TMIGD3: variants seen among roughly 807,000 people sequenced by gnomAD.
TMIGD3 encodes the protein AD026 protein (AD026).
Under a neutral mutation model 28.1 loss-of-function variants are expected in TMIGD3, and 21 were observed. The ratio of observed to expected loss-of-function variants is 0.75; its 90% confidence interval spans 0.53 to 1.08. The LOEUF (loss-of-function observed/expected upper bound fraction) is 1.08. Ranked by LOEUF, TMIGD3 falls within the 50% of genes least tolerant of loss-of-function variation. TMIGD3 has a pLI of 0.00. For synonymous variants in TMIGD3, 151 were observed against 162.1 expected (o/e 0.93, Z 0.52); for missense variants, 416 against 435.6 (o/e 0.96, Z 0.40).
intron 1 of TMIGD3, among the ~76,000 whole-genome samples, chr1:111,532,642 A>T (rs1251763329): frequency 1.3e-5 from 2 of 152,174 alleles, no homozygotes; most frequent in Non-Finnish European, 1.5e-5. Context: ...AGATTTTTAA[A>T]AAGAAAGAGC....
intron 1 of TMIGD3, among the ~76,000 whole-genome samples, chr1:111,547,027 C>T (rs2101030844): frequency 1.3e-5 from 2 of 152,236 alleles, no homozygotes; most frequent in Middle Eastern, 3.4e-3. Context: ...CTTTTTGATG[C>T]TGTTGTGCAT....
chr1:111,485,495 A>T, intron 5 of TMIGD3: 2 of 342,002 alleles, frequency 5.8e-6, no homozygotes, highest in Non-Finnish European at 1.1e-5. Context: ...TTGTCTCAGG[A>T]CCTCCTTCCT....
intron 2 of TMIGD3, chr1:111,489,500 G>T: frequency 1.1e-6 from 1 of 906,990 alleles, no homozygotes; most frequent in Non-Finnish European, 1.3e-6. Flanking sequence ...AATTTCCATT[G>T]TTTTAGCCTC....
rs66509119 is a variant in TMIGD3, at chr1:111,542,696, G to GT, written c.107+21149dup. 1.2e-4 allele frequency among the ~76,000 whole-genome samples: 18 copies of GT among 150,290 alleles called. No homozygotes were observed. In the East Asian group the frequency reaches 1.4e-3, roughly 11 times the overall value. ...AAAACTTGTCTTTGTTTTTGTTTTT[G>GT]TTTTTTTTTTCTTTTTTTGAGATGG... On this transcript the variant is annotated intron_variant, in intron 1 of 5. Coordinates refer to the TMIGD3 transcript ENST00000369717.
chr1:111,504,967 A>G (rs1008238311), upstream of TMIGD3: 34 of 985,104 alleles, frequency 3.5e-5, no homozygotes, highest in East Asian at 1.1e-4. Context: ...GTATTTTCCA[A>G]TGTCAGTTCT....
chr1:111,506,064 C>A (rs565973532), upstream of TMIGD3, among the ~76,000 whole-genome samples: 3 of 152,044 alleles, frequency 2.0e-5, no homozygotes, highest in African/African-American at 4.8e-5. Flanking sequence ...AAAACAAATA[C>A]TTTTCCTCCA....
intron 1 of TMIGD3, among the ~76,000 whole-genome samples, chr1:111,550,979 GTTC>G (rs1230014358): frequency 6.6e-6 from 1 of 151,278 alleles, no homozygotes; most frequent in Non-Finnish European, 1.5e-5. Flanking sequence ...ATTATAAAAT[GTTC>G]TTCTTTGTCT....
intron 1 of TMIGD3, among the ~76,000 whole-genome samples, chr1:111,515,820 C>T (rs12097665): frequency 0.035 from 5,266 of 152,310 alleles, 109 homozygotes; most frequent in Non-Finnish European, 0.044. Context: ...TGGTGCTGCG[C>T]CGGCCGGACG....
chr1:111,513,500 A>G (rs1332622371), intron 1 of TMIGD3, among the ~76,000 whole-genome samples: 1 of 152,250 alleles, frequency 6.6e-6, no homozygotes, highest in Non-Finnish European at 1.5e-5. Context: ...TAAATAAATA[A>G]AATTTATTCT....
At chr1:111,492,095 G>C (rs1654695562) in intron 1 of TMIGD3, among the ~76,000 whole-genome samples, 1 of 152,142 alleles carries the variant, frequency 6.6e-6, no homozygotes, top group South Asian at 2.1e-4. Context: ...CCAAGCTCTT[G>C]AGTAGGCTAC....
chr1:111,511,073 C>T (rs1294258163), intron 1 of TMIGD3, among the ~76,000 whole-genome samples: 2 of 152,190 alleles, frequency 1.3e-5, no homozygotes, highest in African/African-American at 2.4e-5. Flanking sequence ...TTGATGTGCA[C>T]CCCACCTATT....
At chr1:111,532,079 A>G (rs548826573) in intron 1 of TMIGD3, among the ~76,000 whole-genome samples, 1 of 85,582 alleles carries the variant, frequency 1.2e-5, no homozygotes, top group African/African-American at 3.2e-5. Context: ...GGGAGGAAAG[A>G]TTATAGCCCT....
intron 1 of TMIGD3, among the ~76,000 whole-genome samples, chr1:111,535,403 T>C (rs144522132): frequency 6.6e-6 from 1 of 152,210 alleles, no homozygotes; most frequent in Non-Finnish European, 1.5e-5. Context: ...TCAGGCACCA[T>C]CTGATTAGAT....
At chr1:111,512,957 C>T (rs1178119179) in intron 1 of TMIGD3, among the ~76,000 whole-genome samples, 5 of 152,188 alleles carry the variant, frequency 3.3e-5, no homozygotes, top group African/African-American at 1.2e-4. Context: ...GTACCATTTT[C>T]CTCTCTTTTC....
chr1:111,503,313 G>C lies in TMIGD3; in HGVS notation c.42C>G (p.Thr14=), dbSNP rs1231114737. The part of the protein sequence containing the change: ...NSTALSLANV[T]YITMEIFIGL... The stretch of plus-strand genomic sequence containing the variant: ...CAATGAAAATTTCCATGGTGATGTA[G>C]GTAACATTGGCCAATGACAGAGCAG... Residue 14 remains threonine (T), a synonymous_variant, in exon 1 of 6, where the codon ACC becomes ACG. Transcript: ENST00000369716. The C allele has an allele frequency of 1.2e-6, 2 of 1,614,028 alleles. No individual in the cohort carries two copies. Among genetic ancestry groups the C allele is most frequent in the Non-Finnish European group, 1.7e-6 (2 of 1,179,982 alleles).
At chr1:111,550,718 C>T (rs1032913323) in intron 1 of TMIGD3, among the ~76,000 whole-genome samples, 1 of 152,208 alleles carries the variant, frequency 6.6e-6, no homozygotes, top group Admixed American at 6.5e-5. Flanking sequence ...AGGCCTTGAA[C>T]TCCTAGGCTC....
At chr1:111,543,085 T>G (rs936244027) in intron 1 of TMIGD3, among the ~76,000 whole-genome samples, 11 of 152,220 alleles carry the variant, frequency 7.2e-5, no homozygotes, top group African/African-American at 2.7e-4. Context: ...CTGGAATATT[T>G]CTGAAGAAAT....
At chr1:111,485,974 A>G (rs1396350589) in intron 4 of TMIGD3, 134 bp from the exon 5 acceptor site, 7 of 651,818 alleles carry the variant, frequency 1.1e-5, no homozygotes, top group East Asian at 8.4e-5. Context: ...TGGGAACCGT[A>G]TTCCTTTAGA....
chr1:111,563,844 A>G lies in TMIGD3; in HGVS notation c.107+2T>C, dbSNP rs1657843132. ...GCAGCTATATTTTCTGCTATGACTC[A>G]CTGTGACTCAGGACTCAAGCAGCCC... On this transcript the variant is annotated splice_donor_variant, in intron 1 of 5. Transcript: ENST00000369717. LOFTEE classifies it high-confidence loss of function. The G allele has an allele frequency of 6.2e-7, 1 of 1,611,388 alleles. No individual in the cohort carries two copies. Among genetic ancestry groups the G allele is most frequent in the African/African-American group, 1.3e-5 (1 of 74,882 alleles).
Sources: allele counts gnomAD v4.1 joint callset (sites outside exome capture counted in the v4.1 genomes callset), GRCh38; gene constraint gnomAD v4.1.1; transcripts MANE v1.5; gene names NCBI Gene and HGNC (gene_info 2026-07-23, HGNC 2026-07-21).